NIPAL2: variants seen among roughly 807,000 people sequenced by gnomAD.
NIPAL2 encodes the protein NIPA-like protein 2.
NIPAL2 carries 43 observed loss-of-function variants against 48.9 expected under a neutral mutation model. The ratio of observed to expected loss-of-function variants is 0.88; its 90% CI spans 0.69 to 1.13. NIPAL2 has a LOEUF of 1.13. Among genes scored for constraint, NIPAL2 ranks in the 50% most tolerant of loss-of-function variants. NIPAL2 has a pLI of 0.00. For missense variants in NIPAL2, 446 were observed against 461.4 expected (o/e 0.97, Z 0.31); for synonymous variants, 167 against 174.6 (o/e 0.96, Z 0.34).
At chr8:98,247,968 A>G (rs950729798) in intron 3 of NIPAL2, among the ~76,000 whole-genome samples, 7 of 152,220 alleles carry the variant, frequency 4.6e-5, no homozygotes, top group Non-Finnish European at 1.0e-4. Context: ...CTCTGTAGTT[A>G]ATGAACAAGA....
intron 8 of NIPAL2, among the ~76,000 whole-genome samples, chr8:98,197,889 A>G (rs1810619684): frequency 6.6e-6 from 1 of 152,220 alleles, no homozygotes; most frequent in Non-Finnish European, 1.5e-5. Context: ...AAAATCATCC[A>G]GGAGGGTTAG....
rs1357040160 is a variant in NIPAL2 at position 98,238,677 on chromosome 8, G to A, written c.377-2463C>T. On this transcript the variant is annotated intron_variant, in intron 3 of 10. Coordinates refer to ENST00000430223, the MANE Select transcript of NIPAL2 (RefSeq NM_001321635.2). ...ATCTTTGTCCTTCAAAACTTTTCCC[G>A]GGCAGGTTACTTACAGGAATGGAAG... Among the ~76,000 whole-genome samples, 5 of 150,720 alleles carry A rather than the reference G, an allele frequency of 3.3e-5. 1 individual carries two copies. Among genetic ancestry groups the A allele is most frequent in the South Asian group, 4.2e-4 (2 of 4,780 alleles).
chr8:98,279,857 G>T (rs1160018049), intron 1 of NIPAL2, among the ~76,000 whole-genome samples: 2 of 152,212 alleles, frequency 1.3e-5, no homozygotes, highest in African/African-American at 4.8e-5. Flanking sequence ...AATGTCTGCA[G>T]TGCTCACTGT....
chr8:98,262,279 T>C (rs1235033251), intron 1 of NIPAL2, among the ~76,000 whole-genome samples: 15 of 151,900 alleles, frequency 9.9e-5, no homozygotes. Flanking sequence ...CACATAACAG[T>C]ATTAACTTTA....
intron 1 of NIPAL2, among the ~76,000 whole-genome samples, chr8:98,261,896 CA>C (rs1814359541): frequency 1.2e-5 from 1 of 82,030 alleles, no homozygotes; most frequent in Non-Finnish European, 2.4e-5. Context: ...GGGTTACCCT[CA>C]AAGGGAAGCC....
At chr8:98,231,906 A>T (rs1812458492) in intron 4 of NIPAL2, 1 of 152,212 alleles carries the variant, frequency 6.6e-6, no homozygotes, top group Non-Finnish European at 1.5e-5. Flanking sequence ...TTGATAATTT[A>T]ATTTTTAGCA....
At position 98,192,100 on chromosome 8, in the gene NIPAL2, G is replaced by A. The variant is rs533897456; in HGVS notation, c.*878C>T. On this transcript the variant is annotated 3_prime_UTR_variant, in exon 11 of 11. Transcript: ENST00000430223. Reference sequence around the variant, plus strand: ...TATAAGATCTATAAAAAAGACATAGGATATTAAATTTTTCTTCAGTTTCAA... The same window carrying A: ...TATAAGATCTATAAAAAAGACATAGAATATTAAATTTTTCTTCAGTTTCAA... The A allele has an allele frequency of 1.1e-4, 16 of 152,168 alleles. No homozygotes were observed. The highest frequency in any genetic ancestry group is 3.1e-4 in the African/African-American group (13 of 41,524). 9.4% of individuals were successfully genotyped at this position (152,168 alleles called of 1,614,324 possible).
rs182832182 is a variant in NIPAL2 at position 98,221,256 on chromosome 8, G to A, written c.558+1223C>T. On this transcript the variant is annotated intron_variant, in intron 5 of 10. Coordinates refer to ENST00000430223, the MANE Select transcript of NIPAL2 (RefSeq NM_001321635.2). ...CTCCCAAAGTGCTGGGATTACGGGC[G>A]TGAGCCACCGTGCCCAGCCTCATTT... Among the ~76,000 whole-genome samples, 81 of 151,960 alleles carry A rather than the reference G, an allele frequency of 5.3e-4. 1 individual carries two copies. The highest frequency in any genetic ancestry group is 3.9e-3 in the East Asian group (20 of 5,156).
At chr8:98,227,788 G>A (rs1284821289) in intron 4 of NIPAL2, among the ~76,000 whole-genome samples, 1 of 152,190 alleles carries the variant, frequency 6.6e-6, no homozygotes, top group East Asian at 1.9e-4. Flanking sequence ...TGCCCCTCAA[G>A]TCCACTGGTT....
At chr8:98,232,831 C>T (rs542367544) in intron 4 of NIPAL2, among the ~76,000 whole-genome samples, 30 of 152,308 alleles carry the variant, frequency 2.0e-4, no homozygotes, top group African/African-American at 5.3e-4. Context: ...GGGCAGGTTA[C>T]TTAACCTTGC....
At chr8:98,283,727 C>T (rs117107867) in intron 1 of NIPAL2, among the ~76,000 whole-genome samples, 191 of 152,252 alleles carry the variant, frequency 1.3e-3, no homozygotes, top group Non-Finnish European at 2.3e-3. Flanking sequence ...CCTGGGTTTC[C>T]GGAGTGCATA....
chr8:98,192,771 A>G lies in NIPAL2; in HGVS notation c.*207T>C, dbSNP rs1340941645. 6.9e-6 allele frequency: 4 copies of G among 582,218 alleles called. No individual in the cohort carries two copies. Among genetic ancestry groups the G allele is most frequent in the Non-Finnish European group, 1.2e-5 (4 of 327,146 alleles). The allele number at this position is 582,218 out of a possible 1,614,324, so 36.1% of individuals were successfully genotyped here. A position where few individuals can be genotyped will look rare whatever the true frequency, so the allele number is the denominator to read the frequency against. On this transcript the variant is annotated 3_prime_UTR_variant, in exon 11 of 11. Transcript: ENST00000430223. The stretch of plus-strand genomic sequence containing the variant: ...TAGGGAGAGGTCCAGGGTGTGGGGA[A>G]CACTCCAAATCACATTCCATGGAAA...
intron 8 of NIPAL2, among the ~76,000 whole-genome samples, chr8:98,196,366 G>C (rs376335194): frequency 6.6e-6 from 1 of 152,210 alleles, no homozygotes; most frequent in Non-Finnish European, 1.5e-5. Flanking sequence ...GGGTCAGCCA[G>C]CCTGGCCTGA....
At position 98,208,057 on chromosome 8, in the gene NIPAL2, A is replaced by T. The variant is rs138112636; in HGVS notation, c.656-2811T>A. ...GGAATTCCTGACTACAGCCACTGTG[A>T]AGGCTTGTGAAATATACTAGCAAAC... is the stretch of plus-strand genomic sequence containing the variant. On this transcript the variant is annotated intron_variant, in intron 6 of 10. Transcript: ENST00000430223. Among the ~76,000 whole-genome samples, 43 of 152,302 alleles carry T rather than the reference A, an allele frequency of 2.8e-4. No homozygotes were observed. In the East Asian group the frequency reaches 8.1e-3, roughly 29 times the overall value.
At chr8:98,289,293 A>G (rs1207052079) in intron 1 of NIPAL2, among the ~76,000 whole-genome samples, 2 of 152,180 alleles carry the variant, frequency 1.3e-5, no homozygotes, top group Non-Finnish European at 2.9e-5. Flanking sequence ...AGCTGATTGC[A>G]TCAATGCGAA....
Position 98,239,158 on chromosome 8 carries a change from G to A in NIPAL2, c.377-2944C>T, listed in dbSNP as rs554511264. Among the ~76,000 whole-genome samples, 212 of 152,314 alleles carry A rather than the reference G, an allele frequency of 1.4e-3. 1 individual carries two copies. The highest frequency in any genetic ancestry group is 2.3e-3 in the Non-Finnish European group (155 of 68,014). On this transcript the variant is annotated intron_variant, in intron 3 of 10. Transcript: ENST00000430223. ...GGGAAACATTGCTTACATGGAATGA[G>A]ATTTTAAGGTAGTAGGAGACATAGA...
intron 8 of NIPAL2, among the ~76,000 whole-genome samples, chr8:98,196,286 G>T (rs1234095382): frequency 6.6e-6 from 1 of 152,146 alleles, no homozygotes; most frequent in African/African-American, 2.4e-5. Context: ...TCCAGCCCAG[G>T]ATTGCCCAAC....
intron 1 of NIPAL2, among the ~76,000 whole-genome samples, chr8:98,279,186 CT>C (rs966392534): frequency 6.6e-6 from 1 of 152,076 alleles, no homozygotes; most frequent in African/African-American, 2.4e-5. Flanking sequence ...CCCCTAATTA[CT>C]GGGGAGGAAA....
At chr8:98,264,473 T>C (rs2130860993) in intron 1 of NIPAL2, among the ~76,000 whole-genome samples, 1 of 149,826 alleles carries the variant, frequency 6.7e-6, no homozygotes, top group East Asian at 1.9e-4. Flanking sequence ...ACAAGCATTC[T>C]TATACACCAG....
Sources: allele counts gnomAD v4.1 joint callset (sites outside exome capture counted in the v4.1 genomes callset), GRCh38; gene constraint gnomAD v4.1.1; transcripts MANE v1.5; gene names NCBI Gene and HGNC (gene_info 2026-07-23, HGNC 2026-07-21).